SH3KBP1: variants seen among roughly 807,000 people sequenced by gnomAD.
SH3KBP1 encodes the protein SH3 domain-containing kinase-binding protein 1.
Under a neutral mutation model 50.1 loss-of-function variants are expected in SH3KBP1, and 8 were observed. That is an observed-to-expected ratio of 0.16 (90% CI 0.09 to 0.29). The LOEUF is 0.29. SH3KBP1 is among the 10% of genes least tolerant of loss of function. SH3KBP1 has a pLI of 1.00. For missense variants in SH3KBP1, 377 were observed against 535.2 expected, an observed-to-expected ratio of 0.70 and a Z score of 2.92; for synonymous variants, 227 against 218.6, an observed-to-expected ratio of 1.04 and a Z score of -0.34.
chrX:19,843,909 G>T (rs1185551007), intron 1 of SH3KBP1, among the ~76,000 whole-genome samples: 2 of 111,467 alleles, frequency 1.8e-5, no homozygotes, highest in Non-Finnish European at 3.8e-5. Context: ...TTCCACGAAG[G>T]CCCAAGGAAC....
At chrX:19,750,872 T>C (rs2065046599) in intron 2 of SH3KBP1, among the ~76,000 whole-genome samples, 2 of 110,658 alleles carry the variant, frequency 1.8e-5, no homozygotes, top group African/African-American at 6.6e-5. Context: ...TTTTTATACA[T>C]AAGAATAGTG....
At chrX:19,554,056 T>TTA (rs1182226586) in intron 13 of SH3KBP1, among the ~76,000 whole-genome samples, 1 of 39,093 alleles carries the variant, frequency 2.6e-5, no homozygotes, top group Non-Finnish European at 4.2e-5. Flanking sequence ...TTAAAATATA[T>TTA]TATATATATT....
At chrX:19,692,624 C>CGT (rs534431997) in intron 5 of SH3KBP1, among the ~76,000 whole-genome samples, 14,410 of 68,521 alleles carry the variant, frequency 0.21, 1,556 homozygotes, top group East Asian at 0.47. Flanking sequence ...TATATACATA[C>CGT]GTGTGTGTGT....
intron 2 of SH3KBP1, among the ~76,000 whole-genome samples, chrX:19,769,243 C>T (rs1402525278): frequency 9.8e-6 from 1 of 102,087 alleles, no homozygotes; most frequent in African/African-American, 3.8e-5. Context: ...CACCACCATG[C>T]CCGGCTAATT....
At chrX:19,547,729 G>T (rs963196525) in intron 14 of SH3KBP1, among the ~76,000 whole-genome samples, 1 of 111,825 alleles carries the variant, frequency 8.9e-6, no homozygotes, top group African/African-American at 3.3e-5. Flanking sequence ...TAAACATAAA[G>T]AACTTCAGCT....
intron 6 of SH3KBP1, among the ~76,000 whole-genome samples, chrX:19,670,678 G>T (rs892976176): frequency 9.1e-6 from 1 of 109,724 alleles, no homozygotes; most frequent in African/African-American, 3.4e-5. Context: ...CCGTATACTT[G>T]ATAGGTTCCT....
chrX:19,728,703 C>G (rs1040585590), intron 3 of SH3KBP1, among the ~76,000 whole-genome samples: 4 of 111,459 alleles, frequency 3.6e-5, no homozygotes, highest in African/African-American at 1.3e-4. Context: ...GGAGGGTTTG[C>G]AAAGAGAGAA....
At chrX:19,871,620 T>C (rs762845879) in intron 1 of SH3KBP1, among the ~76,000 whole-genome samples, 3 of 112,103 alleles carry the variant, frequency 2.7e-5, no homozygotes, top group Non-Finnish European at 5.6e-5. Flanking sequence ...GGCTGAAGAA[T>C]GAATACTTTC....
rs1424034383 is a variant in SH3KBP1 at position 19,592,115 on chromosome X, T to C, written c.1090A>G (p.Ile364Val). ...AGCATTTCTGGTCTTTCAGGAGGTA[T>C]CTTTTTAATTTCATGTTTTCTCTCA... ...TTERKHEIKK[I>V]PPERPEMLPN... The change falls in exon 11 of 18, where the codon ATA (isoleucine) becomes GTA (valine). Residue 364 changes from isoleucine to valine, a missense_variant. By Grantham distance (29) the Ile-to-Val change is conservative. Around this residue, in one of 3 missense-constraint regions of SH3KBP1, gnomAD observed 257 missense variants for 374.2 expected, o/e 0.69. Coordinates refer to ENST00000397821, the MANE Select transcript of SH3KBP1 (RefSeq NM_031892.3). 8.3e-6 allele frequency: 10 copies of C among 1,204,825 alleles called. No individual in the cohort carries two copies. Among genetic ancestry groups the C allele is most frequent in the South Asian group, 1.8e-5 (1 of 56,642 alleles).
chrX:19,590,735 C>T (rs922199508), intron 11 of SH3KBP1, among the ~76,000 whole-genome samples: 7 of 105,964 alleles, frequency 6.6e-5, no homozygotes, highest in African/African-American at 2.4e-4. Context: ...TCTTGATTTC[C>T]AGACTCAAGC....
chrX:19,828,840 C>T (rs998071330), intron 2 of SH3KBP1, among the ~76,000 whole-genome samples: 1 of 111,549 alleles, frequency 9.0e-6, no homozygotes, highest in African/African-American at 3.3e-5. Context: ...GCCCAATAAT[C>T]AAATCATCAC....
intron 2 of SH3KBP1, among the ~76,000 whole-genome samples, chrX:19,808,386 C>T (rs991232430): frequency 1.8e-5 from 2 of 110,073 alleles, no homozygotes; most frequent in Non-Finnish European, 3.8e-5. Context: ...GGAGCTCCAT[C>T]CCCCATCTGC....
intron 13 of SH3KBP1, among the ~76,000 whole-genome samples, chrX:19,551,505 C>T (rs192045714): frequency 9.2e-6 from 1 of 108,419 alleles, no homozygotes; most frequent in East Asian, 2.9e-4. Flanking sequence ...TTAAGAGAAC[C>T]TTATTATTAT....
chrX:19,744,998 C>T (rs1383774884), intron 3 of SH3KBP1, among the ~76,000 whole-genome samples: 3 of 112,250 alleles, frequency 2.7e-5, no homozygotes, highest in East Asian at 2.8e-4. Context: ...TGCCCGCGGA[C>T]CCAAGAGGCA....
At chrX:19,698,752 C>A (rs2063479268) in intron 4 of SH3KBP1, among the ~76,000 whole-genome samples, 1 of 111,861 alleles carries the variant, frequency 8.9e-6, no homozygotes, top group Non-Finnish European at 1.9e-5. Flanking sequence ...AAAATGATAC[C>A]TCACACTATC....
chrX:19,592,105 T>C lies in SH3KBP1; in HGVS notation c.1100A>G (p.Glu367Gly), dbSNP rs2066766114. 8.3e-7 allele frequency: 1 copy of C among 1,205,873 alleles called. No individual in the cohort carries two copies. The highest frequency in any genetic ancestry group is 1.1e-6 in the Non-Finnish European group (1 of 892,555). Residue 367 changes from glutamate to glycine, a missense_variant, in exon 11 of 18, where the codon GAA becomes GGA. Around this residue, in one of 3 missense-constraint regions of SH3KBP1, gnomAD observed 257 missense variants for 374.2 expected, o/e 0.69. Coordinates refer to ENST00000397821, the MANE Select transcript of SH3KBP1 (RefSeq NM_031892.3). Reference protein sequence around the residue: ...RKHEIKKIPPERPEMLPNRTE... With the variant: ...RKHEIKKIPPGRPEMLPNRTE... The stretch of plus-strand genomic sequence containing the variant: ...TCTGTTTGGAAGCATTTCTGGTCTT[T>C]CAGGAGGTATCTTTTTAATTTCATG...
intron 6 of SH3KBP1, chrX:19,664,827 C>A (rs2062555939): frequency 8.9e-6 from 1 of 112,144 alleles, no homozygotes; most frequent in African/African-American, 3.2e-5. Context: ...ACTTTCTCAG[C>A]TTCTAACAAT....
chrX:19,643,294 T>C (rs1052589998), intron 7 of SH3KBP1, among the ~76,000 whole-genome samples: 2 of 101,931 alleles, frequency 2.0e-5, no homozygotes, highest in African/African-American at 7.5e-5. Flanking sequence ...GGGCTGAAAC[T>C]GAAGAATTTT....
At chrX:19,774,273 G>C (rs759990654) in intron 2 of SH3KBP1, among the ~76,000 whole-genome samples, 172 of 111,344 alleles carry the variant, frequency 1.5e-3, no homozygotes, top group Non-Finnish European at 2.7e-3. Flanking sequence ...GTGTGCTTTG[G>C]TTTTCATCTT....
Sources: gnomAD v4.1 joint callset for allele counts (sites outside exome capture counted in the v4.1 genomes callset) on GRCh38, gnomAD v4.1.1 for gene constraint, gnomAD v4.1.1 regional missense constraint, MANE v1.5 for transcripts, NCBI Gene and HGNC (gene_info 2026-07-23, HGNC 2026-07-21) for gene names.